The following PLD5 variants were observed in gnomAD, a reference collection of about 807,000 sequenced individuals.
PLD5 encodes the protein phospholipase D family member 5.
Under a neutral mutation model 61.1 loss-of-function variants are expected in PLD5, and 36 were observed. That is an observed-to-expected ratio of 0.59 (90% confidence interval 0.45 to 0.78). The LOEUF is 0.78. Ranked by LOEUF, PLD5 falls within the 30% of genes least tolerant of loss-of-function variation. The pLI is 0.00. For missense variants in PLD5, 515 were observed against 644.4 expected (o/e 0.80, Z 2.17); for synonymous variants, 243 against 242.8 (o/e 1.00, Z -0.01).
At position 242,089,951 on chromosome 1, in the gene PLD5, G is replaced by A; in HGVS notation, c.1514C>T (p.Thr505Ile). ...YSPYAKTLQPTKQPNCSSLFK... is the reference protein window; with the variant it reads ...YSPYAKTLQPIKQPNCSSLFK... Reference sequence around the variant, plus strand: ...CAGGCTTGAGCAGTTCGGCTGTTTGGTTGGCTGTAAGGTTTTGGCATACGG... The same window carrying A: ...CAGGCTTGAGCAGTTCGGCTGTTTGATTGGCTGTAAGGTTTTGGCATACGG... Residue 505 changes from threonine to isoleucine, a missense_variant, in exon 10 of 10, where the codon ACC becomes ATC. Physicochemically the swap from Thr to Ile is moderately conservative, Grantham distance 89. Coordinates refer to ENST00000536534, the MANE Select transcript of PLD5 (RefSeq NM_001372062.1). 1.2e-6 allele frequency: 2 copies of A among 1,614,156 alleles called. No individual in the cohort carries two copies. The highest frequency in any genetic ancestry group is 2.2e-5 in the South Asian group (2 of 91,076).
rs190061614 is a variant in PLD5 at position 242,503,890 on chromosome 1, C to T, written c.189+20198G>A. On this transcript the variant is annotated intron_variant, in intron 1 of 9. Transcript: ENST00000536534. ...AGCAGAAAGGTGGGAAGAACCCTGA[C>T]GATGCTGTTAAGCTGCTGAATTAAC... Among the ~76,000 whole-genome samples the T allele has an allele frequency of 4.9e-4, 75 of 152,226 alleles. 1 individual carries two copies. The East Asian group carries it at 9.5e-3, about 19-fold the overall frequency.
intron 1 of PLD5, among the ~76,000 whole-genome samples, chr1:242,442,958 G>A (rs1043472975): frequency 1.3e-5 from 2 of 152,132 alleles, no homozygotes; most frequent in African/African-American, 2.4e-5. Context: ...TCTCCATGCC[G>A]AATCAACAAA....
At chr1:242,242,552 C>T (rs1672122437) in intron 4 of PLD5, among the ~76,000 whole-genome samples, 1 of 152,172 alleles carries the variant, frequency 6.6e-6, no homozygotes, top group African/African-American at 2.4e-5. Context: ...ACGCATGGGG[C>T]ACTCTGTCAA....
intron 4 of PLD5, among the ~76,000 whole-genome samples, chr1:242,224,692 C>G (rs1055929212): frequency 6.6e-6 from 1 of 152,112 alleles, no homozygotes; most frequent in Admixed American, 6.6e-5. Flanking sequence ...AAATTCTGTG[C>G]TAGACTATTC....
At chr1:242,190,389 G>A (rs112996232) in intron 5 of PLD5, among the ~76,000 whole-genome samples, 6,807 of 151,412 alleles carry the variant, frequency 0.045, 509 homozygotes, top group African/African-American at 0.16. Context: ...CGCGTGATCC[G>A]CCCACCTCGG....
At chr1:242,287,981 A>C (rs183301954) in intron 3 of PLD5, among the ~76,000 whole-genome samples, 59 of 152,354 alleles carry the variant, frequency 3.9e-4, no homozygotes, top group African/African-American at 1.4e-3. Flanking sequence ...TAACCAAATA[A>C]ATGCCTCAGC....
chr1:242,322,402 C>T (rs1418701197), intron 2 of PLD5, among the ~76,000 whole-genome samples: 4 of 152,186 alleles, frequency 2.6e-5, no homozygotes, highest in South Asian at 2.1e-4. Flanking sequence ...TCTGAATACC[C>T]GATTTAAAGA....
Position 242,158,013 on chromosome 1 carries a change from G to A in PLD5, c.736-33348C>T, listed in dbSNP as rs146488801. On this transcript the variant is annotated intron_variant, in intron 5 of 9. Transcript: ENST00000536534. ...TTTTTCAGAGATGCCCTTCCCAGAG[G>A]AGAAATCTGGCAGTCTGGCCACAGC... Among the ~76,000 whole-genome samples the A allele has an allele frequency of 6.8e-4, 103 of 151,974 alleles. 2 individuals are homozygous for A. The highest frequency in any genetic ancestry group is 2.4e-3 in the African/African-American group (101 of 41,518).
chr1:242,354,609 G>T (rs2149228347), intron 1 of PLD5, among the ~76,000 whole-genome samples: 1 of 152,034 alleles, frequency 6.6e-6, no homozygotes, highest in South Asian at 2.1e-4. Context: ...TTTCTATTTG[G>T]ATGCCTTTTA....
chr1:242,462,441 T>C (rs1667146668), intron 1 of PLD5, among the ~76,000 whole-genome samples: 1 of 151,708 alleles, frequency 6.6e-6, no homozygotes, highest in South Asian at 2.1e-4. Context: ...ACATAAAACA[T>C]GGGAACAAGA....
intron 3 of PLD5, among the ~76,000 whole-genome samples, chr1:242,277,964 C>T (rs316903): frequency 0.97 from 147,500 of 152,270 alleles, 71,527 homozygotes; most frequent in Middle Eastern, 0.99. Flanking sequence ...GCCTGGGTGA[C>T]AGAGTGAGAC....
At chr1:242,448,230 A>G (rs1247085443) in intron 1 of PLD5, among the ~76,000 whole-genome samples, 1 of 152,114 alleles carries the variant, frequency 6.6e-6, no homozygotes, top group African/African-American at 2.4e-5. Flanking sequence ...TGATCTAGGG[A>G]TGGTGCATGA....
At chr1:242,512,180 G>T in intron 1 of PLD5, among the ~76,000 whole-genome samples, 1 of 151,828 alleles carries the variant, frequency 6.6e-6, no homozygotes, top group South Asian at 2.1e-4. Context: ...GGGAGGCCAA[G>T]GAGGGCAGAT....
intron 5 of PLD5, among the ~76,000 whole-genome samples, chr1:242,169,024 G>T (rs1390380299): frequency 6.6e-6 from 1 of 151,876 alleles, no homozygotes; most frequent in East Asian, 1.9e-4. Context: ...GGGGCTGGGA[G>T]TGCTTTAATT....
intron 2 of PLD5, among the ~76,000 whole-genome samples, chr1:242,319,409 G>T (rs1658239152): frequency 6.6e-6 from 1 of 150,830 alleles, no homozygotes; most frequent in African/African-American, 2.5e-5. Context: ...GTATATGTGT[G>T]CATACAAATG....
intron 1 of PLD5, among the ~76,000 whole-genome samples, chr1:242,463,016 C>T (rs369696095): frequency 6.6e-6 from 1 of 152,202 alleles, no homozygotes; most frequent in African/African-American, 2.4e-5. Context: ...TTCTCCTCCA[C>T]GCTGCCTCCA....
intron 3 of PLD5, among the ~76,000 whole-genome samples, chr1:242,276,976 T>C (rs1674446240): frequency 6.6e-6 from 1 of 152,114 alleles, no homozygotes; most frequent in Non-Finnish European, 1.5e-5. Flanking sequence ...ATGCTCATCA[T>C]GCCAATCACG....
At chr1:242,263,964 G>T (rs1365275566) in intron 4 of PLD5, among the ~76,000 whole-genome samples, 1 of 152,190 alleles carries the variant, frequency 6.6e-6, no homozygotes, top group Admixed American at 6.5e-5. Context: ...GAGAGCTGTG[G>T]ATGTCTCGGG....
At chr1:242,254,395 C>T (rs113054973) in intron 4 of PLD5, among the ~76,000 whole-genome samples, 30,728 of 150,758 alleles carry the variant, frequency 0.2, 3,472 homozygotes, top group East Asian at 0.38. Flanking sequence ...AAAGGCTGGG[C>T]GTGGTGGCTC....
Sources: gnomAD v4.1 joint callset for allele counts (sites outside exome capture counted in the v4.1 genomes callset) on GRCh38, gnomAD v4.1.1 for gene constraint, MANE v1.5 for transcripts, NCBI Gene and HGNC (gene_info 2026-07-23, HGNC 2026-07-21) for gene names.